Variants in SPTLC2 observed in about 807,000 individuals in gnomAD.
SPTLC2 encodes the protein serine palmitoyltransferase long chain base subunit 2, also known as serine palmitoyltransferase 2.
In SPTLC2, 21 loss-of-function variants were observed where a neutral mutation model predicts 62.0. The ratio of observed to expected loss-of-function variants is 0.34; its 90% CI spans 0.24 to 0.49. SPTLC2 has a LOEUF of 0.49. SPTLC2 is among the 20% of genes least tolerant of loss of function. The pLI, the probability that SPTLC2 is intolerant of heterozygous loss-of-function variation, is 0.99. For missense variants in SPTLC2, 511 were observed against 713.0 expected, an observed-to-expected ratio of 0.72 and a Z score of 3.23; for synonymous variants, 261 against 261.8, an observed-to-expected ratio of 1.00 and a Z score of 0.03.
intron 6 of SPTLC2, among the ~76,000 whole-genome samples, chr14:77,561,362 C>A (rs974474403): frequency 3.3e-5 from 5 of 152,136 alleles, no homozygotes; most frequent in Non-Finnish European, 7.3e-5. Flanking sequence ...GTAATCCCAG[C>A]ACTTTGGGAG....
At chr14:77,591,730 G>GTATTTATTTATT (rs1555377455) in intron 2 of SPTLC2, among the ~76,000 whole-genome samples, 2 of 131,174 alleles carry the variant, frequency 1.5e-5, no homozygotes, top group South Asian at 5.1e-4. Context: ...ATGTATGTAT[G>GTATTTATTTATT]TATTTATTTT....
chr14:77,532,139 G>T (rs2079443831), intron 9 of SPTLC2, among the ~76,000 whole-genome samples: 1 of 152,112 alleles, frequency 6.6e-6, no homozygotes, highest in South Asian at 2.1e-4. Context: ...TTGGTTTTAA[G>T]ACAAATCTGG....
chr14:77,589,189 A>G (rs938863099), intron 2 of SPTLC2, among the ~76,000 whole-genome samples: 1 of 152,068 alleles, frequency 6.6e-6, no homozygotes. Flanking sequence ...CCTTTCAACC[A>G]TGGTTAATTA....
chr14:77,546,052 T>C (rs2079526551), intron 9 of SPTLC2, among the ~76,000 whole-genome samples: 1 of 152,206 alleles, frequency 6.6e-6, no homozygotes, highest in South Asian at 2.1e-4. Context: ...TTACTCACAA[T>C]TAAACTTTGG....
chr14:77,591,182 T>C (rs2079814210), intron 2 of SPTLC2, among the ~76,000 whole-genome samples: 1 of 152,216 alleles, frequency 6.6e-6, no homozygotes, highest in African/African-American at 2.4e-5. Flanking sequence ...GAACTTCAAA[T>C]ACATTACGCC....
intron 9 of SPTLC2, chr14:77,536,061 C>CTA: frequency 2.4e-6 from 1 of 414,770 alleles, no homozygotes; most frequent in East Asian, 7.7e-5. Flanking sequence ...AGCAAAAAGG[C>CTA]TAAAAACTGT....
intron 6 of SPTLC2, among the ~76,000 whole-genome samples, chr14:77,561,655 A>G (rs1353941166): frequency 1.3e-5 from 2 of 152,120 alleles, no homozygotes; most frequent in South Asian, 2.1e-4. Context: ...GTGATATTTA[A>G]TAAGATCTCA....
intron 2 of SPTLC2, among the ~76,000 whole-genome samples, chr14:77,580,789 G>T (rs1361141148): frequency 1.3e-5 from 2 of 152,032 alleles, no homozygotes; most frequent in Admixed American, 1.3e-4. Flanking sequence ...GGCTAAGGCG[G>T]GAAGATCACT....
At position 77,509,381 on chromosome 14, in the gene SPTLC2, A is replaced by T. The variant is rs973820964; in HGVS notation, c.*2903T>A. On this transcript the variant is annotated 3_prime_UTR_variant, in exon 12 of 12. Coordinates refer to ENST00000216484, the MANE Select transcript of SPTLC2 (RefSeq NM_004863.4). ...TATGGGCTTTTGACATCTCCTAGCT[A>T]TGCATTTCCTGGCTTCTGATGTGAT... 2 of 152,274 alleles carry T rather than the reference A, an allele frequency of 1.3e-5. No individual in the cohort carries two copies. Among genetic ancestry groups the T allele is most frequent in the African/African-American group, 4.8e-5 (2 of 41,458 alleles). 9.4% of individuals were successfully genotyped at this position (152,274 alleles called of 1,614,324 possible).
At chr14:77,595,662 T>C (rs1310862661) in intron 2 of SPTLC2, among the ~76,000 whole-genome samples, 2 of 152,210 alleles carry the variant, frequency 1.3e-5, no homozygotes, top group Non-Finnish European at 1.5e-5. Context: ...TCCTAGTAAC[T>C]GACAATGTTT....
At chr14:77,551,386 G>A in intron 9 of SPTLC2, among the ~76,000 whole-genome samples, 1 of 71,118 alleles carries the variant, frequency 1.4e-5, no homozygotes, top group Non-Finnish European at 2.6e-5. Context: ...GTGAGACTCC[G>A]TCTCAAAAAA....
chr14:77,556,300 G>A (rs970184484), intron 7 of SPTLC2, among the ~76,000 whole-genome samples: 6 of 150,604 alleles, frequency 4.0e-5, no homozygotes, highest in South Asian at 4.2e-4. Flanking sequence ...GTGACACAGC[G>A]AGATTCCATC....
At chr14:77,585,430 T>C (rs539097263) in intron 2 of SPTLC2, among the ~76,000 whole-genome samples, 14 of 152,336 alleles carry the variant, frequency 9.2e-5, no homozygotes, top group African/African-American at 3.4e-4. Context: ...GAATTCTCAA[T>C]GTCAGTTCTA....
intron 2 of SPTLC2, among the ~76,000 whole-genome samples, chr14:77,586,064 A>AT (rs1396818863): frequency 1.0e-4 from 14 of 138,038 alleles, no homozygotes; most frequent in Non-Finnish European, 1.5e-4. Context: ...AACGTGATAA[A>AT]TTTTTTCTTT....
intron 9 of SPTLC2, among the ~76,000 whole-genome samples, chr14:77,547,161 G>C (rs1011993262): frequency 1.4e-5 from 2 of 139,414 alleles, no homozygotes; most frequent in Non-Finnish European, 3.1e-5. Flanking sequence ...CATCGCACCC[G>C]GCGGAAACAA....
intron 4 of SPTLC2, among the ~76,000 whole-genome samples, chr14:77,575,289 TTTTA>T (rs1340175485): frequency 2.0e-5 from 3 of 152,142 alleles, no homozygotes; most frequent in African/African-American, 7.2e-5. Context: ...ATCTGCACAA[TTTTA>T]TTTTTTTCCC....
At chr14:77,574,570 T>C (rs1245071313) in intron 4 of SPTLC2, among the ~76,000 whole-genome samples, 1 of 152,114 alleles carries the variant, frequency 6.6e-6, no homozygotes, top group South Asian at 2.1e-4. Flanking sequence ...CTGCTGACAA[T>C]AGCCAAAAAG....
intron 11 of SPTLC2, among the ~76,000 whole-genome samples, chr14:77,515,985 T>C (rs960491775): frequency 6.8e-6 from 1 of 146,806 alleles, no homozygotes. Flanking sequence ...TTATGAGCTC[T>C]AGCTGTGTGT....
At chr14:77,558,684 T>A (rs2079598794) in intron 6 of SPTLC2, among the ~76,000 whole-genome samples, 2 of 150,868 alleles carry the variant, frequency 1.3e-5, no homozygotes, top group South Asian at 4.2e-4. Context: ...TGCAGTGGCG[T>A]GATCTCTGCT....
Sources: allele counts gnomAD v4.1 joint callset (sites outside exome capture counted in the v4.1 genomes callset), GRCh38; gene constraint gnomAD v4.1.1; transcripts MANE v1.5; gene names NCBI Gene and HGNC (gene_info 2026-07-23, HGNC 2026-07-21).